KCNH1: variants seen among roughly 807,000 people sequenced by gnomAD.
KCNH1 encodes potassium voltage-gated channel subfamily H member 1, also known as voltage-gated delayed rectifier potassium channel KCNH1.
KCNH1 carries 27 observed loss-of-function variants against 69.2 expected under a neutral mutation model. The ratio of observed to expected loss-of-function variants is 0.39; its 90% CI spans 0.29 to 0.54. The LOEUF (loss-of-function observed/expected upper bound fraction) is 0.54. KCNH1 is among the 20% of genes least tolerant of loss of function. The pLI, the probability that KCNH1 is intolerant of heterozygous loss-of-function variation, is 0.68. For synonymous variants in KCNH1, 456 were observed against 487.7 expected, an observed-to-expected ratio of 0.93 and a Z score of 0.86; for missense variants, 798 against 1,261.6, an observed-to-expected ratio of 0.63 and a Z score of 5.57.
At chr1:210,754,201 G>A (rs944972674) in intron 10 of KCNH1, among the ~76,000 whole-genome samples, 1 of 152,036 alleles carries the variant, frequency 6.6e-6, no homozygotes, top group South Asian at 2.1e-4. Flanking sequence ...TTACAGGCAT[G>A]AGCCACCGCA....
chr1:210,808,637 C>A (rs1371952887), intron 7 of KCNH1, among the ~76,000 whole-genome samples: 1 of 152,010 alleles, frequency 6.6e-6, no homozygotes, highest in Non-Finnish European at 1.5e-5. Flanking sequence ...CTCAAGCAGT[C>A]CTCCCACCTC....
In KCNH1 at chr1:211,010,670, T is replaced by C. The variant is rs369609803; in HGVS notation, c.1032+8113A>G. 1.1e-4 allele frequency among the ~76,000 whole-genome samples: 16 copies of C among 152,290 alleles called. No individual in the cohort carries two copies. In the East Asian group the frequency reaches 1.4e-3, roughly 13 times the overall value. ...CCACAAGGCTAAGTGCTCCCTGTTGTAGGCTGTAACACCTTGAACTGACCC... is the reference window on the plus strand; with the variant it reads ...CCACAAGGCTAAGTGCTCCCTGTTGCAGGCTGTAACACCTTGAACTGACCC... On this transcript the variant is annotated intron_variant, in intron 6 of 10. Coordinates refer to ENST00000271751, the MANE Select transcript of KCNH1 (RefSeq NM_172362.3).
chr1:210,807,709 T>C (rs1684613904), intron 7 of KCNH1, among the ~76,000 whole-genome samples: 1 of 152,194 alleles, frequency 6.6e-6, no homozygotes, highest in Non-Finnish European at 1.5e-5. Context: ...CTTTTTTAAC[T>C]CATCAAAATC....
chr1:210,944,247 G>A (rs1486286672), intron 6 of KCNH1, among the ~76,000 whole-genome samples: 1 of 152,220 alleles, frequency 6.6e-6, no homozygotes, highest in African/African-American at 2.4e-5. Flanking sequence ...ATGAGTACTG[G>A]TGGCAGTAGT....
At chr1:210,944,431 C>G (rs985382) in intron 6 of KCNH1, among the ~76,000 whole-genome samples, 1 of 152,122 alleles carries the variant, frequency 6.6e-6, no homozygotes, top group Non-Finnish European at 1.5e-5. Flanking sequence ...AGAAAGCAGA[C>G]GGCCAAAGGA....
chr1:211,043,307 T>C (rs1248509344), intron 5 of KCNH1, among the ~76,000 whole-genome samples: 1 of 152,094 alleles, frequency 6.6e-6, no homozygotes, highest in African/African-American at 2.4e-5. Flanking sequence ...AAAAAGATCA[T>C]TCAAGACTAC....
intron 6 of KCNH1, among the ~76,000 whole-genome samples, chr1:210,934,877 G>A (rs1687747492): frequency 1.3e-5 from 2 of 151,654 alleles, no homozygotes; most frequent in African/African-American, 4.8e-5. Flanking sequence ...TATATTGCTT[G>A]TATATATACA....
intron 9 of KCNH1, among the ~76,000 whole-genome samples, chr1:210,783,022 C>T (rs550143613): frequency 6.6e-6 from 1 of 152,316 alleles, no homozygotes; most frequent in Admixed American, 6.5e-5. Context: ...GAATGAATGT[C>T]AACAGATAAC....
At chr1:211,016,624 G>T (rs1440973794) in intron 6 of KCNH1, among the ~76,000 whole-genome samples, 1 of 151,952 alleles carries the variant, frequency 6.6e-6, no homozygotes, top group East Asian at 1.9e-4. Context: ...ATTCTCATTT[G>T]TGGGCCAGGA....
chr1:211,086,099 C>T lies in KCNH1; in HGVS notation c.440-3201G>A, dbSNP rs190144769. ...TCCCAAATAGACTCAGAGGCTCTAT[C>T]GCAGGTGTTTCCTTGTGTCTAGCAC... On this transcript the variant is annotated intron_variant, in intron 4 of 10. Transcript: ENST00000271751. Among the ~76,000 whole-genome samples, 368 of 152,300 alleles carry T rather than the reference C, an allele frequency of 2.4e-3. 3 individuals carry two copies. The highest frequency in any genetic ancestry group is 8.3e-3 in the African/African-American group (345 of 41,570).
At chr1:210,859,032 G>A (rs1313091873) in intron 7 of KCNH1, 1 of 605,370 alleles carries the variant, frequency 1.7e-6, no homozygotes, top group African/African-American at 1.9e-5. Context: ...CCATCTCCTG[G>A]GGTTGTTGTT....
rs371739671 is a variant in KCNH1 at position 210,821,529 on chromosome 1, G to A, written c.1463-17363C>T. On this transcript the variant is annotated intron_variant, in intron 7 of 10. Transcript: ENST00000271751. ...CACCTATAAACTGCAGTTTGGCCAC[G>A]ATCATCTTGGTGGTCCATGCAGCAA... 1.7e-3 allele frequency among the ~76,000 whole-genome samples: 264 copies of A among 152,066 alleles called. 1 individual carries two copies. The highest frequency in any genetic ancestry group is 6.0e-3 in the African/African-American group (249 of 41,496).
chr1:210,944,422 G>C (rs1226672210), intron 6 of KCNH1, among the ~76,000 whole-genome samples: 3 of 152,212 alleles, frequency 2.0e-5, no homozygotes, highest in African/African-American at 7.2e-5. Flanking sequence ...CCCCAGGCCA[G>C]AAAGCAGACG....
intron 5 of KCNH1, among the ~76,000 whole-genome samples, chr1:211,070,768 G>T (rs556551138): frequency 8.3e-4 from 125 of 150,616 alleles, no homozygotes; most frequent in African/African-American, 2.9e-3. Context: ...GTTGCAGTGA[G>T]CCAAGATCAT....
intron 10 of KCNH1, among the ~76,000 whole-genome samples, chr1:210,705,698 C>T (rs1297290516): frequency 6.6e-6 from 1 of 152,160 alleles, no homozygotes; most frequent in Non-Finnish European, 1.5e-5. Context: ...CCTGATCTCT[C>T]CTTGGTCTTC....
In KCNH1 at chr1:210,738,516, T is replaced by A. The variant is rs146738851; in HGVS notation, c.2112+36832A>T. ...ATCCATCCCAGCAGTAATGCCCTGA[T>A]AACATTGAACCTGTATTCCTGGCTT... is the stretch of plus-strand genomic sequence containing the variant. On this transcript the variant is annotated intron_variant, in intron 10 of 10. Coordinates refer to ENST00000271751, the MANE Select transcript of KCNH1 (RefSeq NM_172362.3). Among the ~76,000 whole-genome samples, 11 of 149,166 alleles carry A rather than the reference T, an allele frequency of 7.4e-5. No individual in the cohort carries two copies. In the East Asian group the frequency reaches 2.2e-3, roughly 30 times the overall value.
At chr1:211,055,202 C>A (rs1190851001) in intron 5 of KCNH1, among the ~76,000 whole-genome samples, 2 of 152,188 alleles carry the variant, frequency 1.3e-5, no homozygotes, top group Admixed American at 6.5e-5. Context: ...ACCACCCCTC[C>A]CCTATCCCCA....
chr1:211,109,771 A>G (rs1046155770), intron 1 of KCNH1, among the ~76,000 whole-genome samples: 3 of 152,178 alleles, frequency 2.0e-5, no homozygotes, highest in Non-Finnish European at 4.4e-5. Flanking sequence ...GAACCAAAAA[A>G]AAACTGGGGA....
chr1:210,917,225 G>A (rs200433971), intron 7 of KCNH1, among the ~76,000 whole-genome samples: 11,639 of 78,800 alleles, frequency 0.15, 575 homozygotes, highest in African/African-American at 0.16. Context: ...GAGAGAGAGA[G>A]AGAGAGAAAG....
Sources: allele counts gnomAD v4.1 joint callset (sites outside exome capture counted in the v4.1 genomes callset), GRCh38; gene constraint gnomAD v4.1.1; transcripts MANE v1.5; gene names NCBI Gene and HGNC (gene_info 2026-07-23, HGNC 2026-07-21).